TMEM232: variants seen among roughly 807,000 people sequenced by gnomAD.
TMEM232 encodes the protein transmembrane protein 232.
TMEM232 carries 80 observed loss-of-function variants against 78.8 expected under a neutral mutation model. The observed-to-expected ratio is 1.01, with a 90% confidence interval of 0.85 to 1.22. The LOEUF (loss-of-function observed/expected upper bound fraction) is 1.22, where lower values mean the gene tolerates loss of function less well. Among genes scored for constraint, TMEM232 ranks in the 50% most tolerant of loss-of-function variants. The pLI, the probability that TMEM232 is intolerant of heterozygous loss-of-function variation, is 0.00. For synonymous variants in TMEM232, 297 were observed against 254.3 expected (o/e 1.17, Z -1.60); for missense variants, 881 against 742.2 (o/e 1.19, Z -2.17).
chr5:110,669,306 C>T (rs1435826158), intron 1 of TMEM232, among the ~76,000 whole-genome samples: 1 of 152,038 alleles, frequency 6.6e-6, no homozygotes, highest in Non-Finnish European at 1.5e-5. Flanking sequence ...ATATCACCAC[C>T]AATCCCACAG....
chr5:110,524,463 G>GA (rs1442304754), intron 12 of TMEM232, among the ~76,000 whole-genome samples: 5 of 150,730 alleles, frequency 3.3e-5, no homozygotes, highest in African/African-American at 1.2e-4. Context: ...GAAAGAAAAA[G>GA]AAAGAAAGAA....
Position 110,721,673 on chromosome 5 carries a change from G to GTGTATATA in TMEM232, c.-13+4953_-13+4954insTATATACA, listed in dbSNP as rs146117698. Among the ~76,000 whole-genome samples, 24 of 35,498 alleles carry GTGTATATA rather than the reference G, an allele frequency of 6.8e-4. 5 individuals carry two copies. Among genetic ancestry groups the GTGTATATA allele is most frequent in the Non-Finnish European group, 1.4e-3 (22 of 16,032 alleles). The allele number at this position is 35,498 out of a possible 152,430, so 23.3% of individuals were successfully genotyped here. ...GCATATCATGTGTGTGTGTGTGTGT[G>GTGTATATA]TATATATATATCTGTGTGTGTTAGT... On this transcript the variant is annotated intron_variant, in intron 1 of 13. Transcript: ENST00000455884.
intron 9 of TMEM232, 21 bp from the exon 10 acceptor site, chr5:110,605,379 T>C: frequency 1.3e-6 from 2 of 1,535,900 alleles, no homozygotes; most frequent in Non-Finnish European, 1.8e-6. Context: ...AAAATAGATA[T>C]TTGATCATCA....
chr5:110,513,584 G>A (rs1181478933), intron 12 of TMEM232, among the ~76,000 whole-genome samples: 3 of 151,960 alleles, frequency 2.0e-5, no homozygotes, highest in South Asian at 2.1e-4. Context: ...ACAAGTATAC[G>A]AAAATGTTCA....
intron 2 of TMEM232, among the ~76,000 whole-genome samples, chr5:110,649,253 A>AT (rs1165686177): frequency 2.0e-5 from 3 of 152,066 alleles, no homozygotes; most frequent in African/African-American, 7.2e-5. Context: ...GGAAAGAAGG[A>AT]TTTTTTTAAT....
At chr5:110,431,597 G>A (rs1438644299) in intron 12 of TMEM232, among the ~76,000 whole-genome samples, 1 of 151,268 alleles carries the variant, frequency 6.6e-6, no homozygotes, top group Non-Finnish European at 1.5e-5. Flanking sequence ...GGTTTATATT[G>A]GAGTTACAAA....
chr5:110,388,600 C>T (rs181365693), intron 4 of TMEM232, among the ~76,000 whole-genome samples: 76 of 152,306 alleles, frequency 5.0e-4, no homozygotes, highest in African/African-American at 1.7e-3. Flanking sequence ...ATGCACTATG[C>T]ATATGGGCAA....
chr5:110,412,304 C>T (rs1756026688), intron 2 of TMEM232, among the ~76,000 whole-genome samples: 1 of 152,196 alleles, frequency 6.6e-6, no homozygotes, highest in South Asian at 2.1e-4. Flanking sequence ...AATCCTATCC[C>T]TTGAAAATAT....
chr5:110,624,601 A>G (rs1250322775), intron 7 of TMEM232, among the ~76,000 whole-genome samples: 1 of 152,128 alleles, frequency 6.6e-6, no homozygotes, highest in Non-Finnish European at 1.5e-5. Flanking sequence ...TGTGCTCATT[A>G]GTAATTATAA....
At chr5:110,662,323 T>C (rs751145751) in intron 2 of TMEM232, among the ~76,000 whole-genome samples, 2 of 151,976 alleles carry the variant, frequency 1.3e-5, no homozygotes, top group South Asian at 4.1e-4. Context: ...AATACCTATA[T>C]GAAAAAAGCA....
chr5:110,526,025 C>CAAAAAAAA (rs758110596), intron 12 of TMEM232, among the ~76,000 whole-genome samples: 10 of 47,744 alleles, frequency 2.1e-4, no homozygotes, highest in East Asian at 6.3e-4. Flanking sequence ...CACCATACAC[C>CAAAAAAAA]AAAAAAAAAA....
chr5:110,419,484 T>G (rs940860220), downstream of TMEM232, among the ~76,000 whole-genome samples: 1 of 152,116 alleles, frequency 6.6e-6, no homozygotes, highest in South Asian at 2.1e-4. Flanking sequence ...ATTAAAAAAT[T>G]AGTTGCCAAC....
chr5:110,432,899 A>T (rs1758015763), intron 12 of TMEM232, among the ~76,000 whole-genome samples: 1 of 151,800 alleles, frequency 6.6e-6, no homozygotes, highest in Non-Finnish European at 1.5e-5. Context: ...AAAGCATGAC[A>T]TAATGATAAA....
chr5:110,648,416 G>T (rs1048936048), intron 2 of TMEM232, among the ~76,000 whole-genome samples: 1 of 151,972 alleles, frequency 6.6e-6, no homozygotes, highest in Non-Finnish European at 1.5e-5. Context: ...ATATCCAATA[G>T]AAATATGTCC....
At chr5:110,641,765 A>C (rs1786758563) in intron 3 of TMEM232, among the ~76,000 whole-genome samples, 1 of 152,146 alleles carries the variant, frequency 6.6e-6, no homozygotes, top group African/African-American at 2.4e-5. Context: ...ATCCAATGTA[A>C]AAAAGGCAAA....
intron 1 of TMEM232, among the ~76,000 whole-genome samples, chr5:110,714,982 G>C (rs1796871274): frequency 6.6e-6 from 1 of 152,134 alleles, no homozygotes; most frequent in Admixed American, 6.6e-5. Flanking sequence ...ACAAGAGCTA[G>C]AGAATAGACA....
chr5:110,638,118 T>C (rs958933996), intron 5 of TMEM232, 80 bp downstream of exon 5: 1 of 1,128,718 alleles, frequency 8.9e-7, no homozygotes, highest in Admixed American at 3.1e-5. Context: ...ATGTTCTGTT[T>C]TGATCCTAAA....
intron 1 of TMEM232, among the ~76,000 whole-genome samples, chr5:110,673,150 G>A (rs1791581001): frequency 6.6e-6 from 1 of 152,268 alleles, no homozygotes; most frequent in South Asian, 2.1e-4. Context: ...CATGTCCTTT[G>A]TAGGGACATG....
intron 12 of TMEM232, among the ~76,000 whole-genome samples, chr5:110,443,405 G>A (rs1389409219): frequency 2.0e-5 from 3 of 152,142 alleles, no homozygotes; most frequent in Non-Finnish European, 4.4e-5. Flanking sequence ...CACCACTGAT[G>A]TTGATGTAAA....
Sources: gnomAD v4.1 joint callset for allele counts (sites outside exome capture counted in the v4.1 genomes callset) on GRCh38, gnomAD v4.1.1 for gene constraint, MANE v1.5 for transcripts, NCBI Gene and HGNC (gene_info 2026-07-23, HGNC 2026-07-21) for gene names.